Variants in MARCHF1 observed in about 807,000 individuals in gnomAD.
The protein encoded by MARCHF1 is E3 ubiquitin-protein ligase MARCHF1.
Under a neutral mutation model 54.2 loss-of-function variants are expected in MARCHF1, and 40 were observed. That is an observed-to-expected ratio of 0.74 (90% confidence interval 0.57 to 0.96). MARCHF1 has a LOEUF of 0.96. MARCHF1 is among the 40% of genes least tolerant of loss of function. MARCHF1 has a pLI of 0.00. For synonymous variants in MARCHF1, 236 were observed against 236.3 expected (o/e 1.00, Z 0.01); for missense variants, 586 against 656.5 (o/e 0.89, Z 1.17).
intron 2 of MARCHF1, among the ~76,000 whole-genome samples, chr4:164,047,677 C>G (rs557286352): frequency 6.6e-6 from 1 of 152,206 alleles, no homozygotes; most frequent in East Asian, 1.9e-4. Flanking sequence ...GTCTTAAGTT[C>G]TCAAGAAAGA....
intron 9 of MARCHF1, among the ~76,000 whole-genome samples, chr4:163,534,123 T>C (rs867638057): frequency 2.2e-4 from 33 of 151,978 alleles, no homozygotes; most frequent in African/African-American, 8.0e-4. Context: ...GCCGCGCTCT[T>C]TACAATAAAC....
At chr4:164,348,820 A>C (rs998255954) in intron 1 of MARCHF1, among the ~76,000 whole-genome samples, 1 of 152,134 alleles carries the variant, frequency 6.6e-6, no homozygotes, top group African/African-American at 2.4e-5. Context: ...CACACTCAAG[A>C]TTATTTATTG....
At chr4:163,870,656 T>C (rs1750149436) in intron 3 of MARCHF1, among the ~76,000 whole-genome samples, 1 of 151,934 alleles carries the variant, frequency 6.6e-6, no homozygotes, top group South Asian at 2.1e-4. Flanking sequence ...TAGGATGGCT[T>C]AAAAAAGAAT....
chr4:163,857,839 C>G (rs193184152), intron 3 of MARCHF1, among the ~76,000 whole-genome samples: 72 of 151,992 alleles, frequency 4.7e-4, no homozygotes, highest in African/African-American at 1.7e-3. Context: ...GAGAAAAGAC[C>G]CAGAGCTTAC....
chr4:164,251,422 C>T (rs1733120577), intron 1 of MARCHF1, among the ~76,000 whole-genome samples: 1 of 152,122 alleles, frequency 6.6e-6, no homozygotes, highest in South Asian at 2.1e-4. Flanking sequence ...ATAATGTTTG[C>T]CATGGCAGCC....
chr4:163,803,472 T>C (rs147716786), intron 4 of MARCHF1, among the ~76,000 whole-genome samples: 441 of 149,102 alleles, frequency 3.0e-3, no homozygotes, highest in Non-Finnish European at 4.3e-3. Context: ...TGCCCGGCTG[T>C]AAAACATATT....
chr4:163,712,622 T>A (rs1184015591), intron 4 of MARCHF1, among the ~76,000 whole-genome samples: 1 of 152,190 alleles, frequency 6.6e-6, no homozygotes, highest in Admixed American at 6.5e-5. Flanking sequence ...CTTATGTCAG[T>A]AATATGTAAA....
intron 1 of MARCHF1, among the ~76,000 whole-genome samples, chr4:164,310,568 TTC>T (rs1171358811): frequency 1.3e-5 from 2 of 151,898 alleles, no homozygotes; most frequent in Non-Finnish European, 2.9e-5. Context: ...ATTAAAACCA[TTC>T]TGTCTATGAA....
At chr4:163,890,603 G>A (rs1051913142) in intron 3 of MARCHF1, among the ~76,000 whole-genome samples, 9 of 152,140 alleles carry the variant, frequency 5.9e-5, no homozygotes, top group African/African-American at 2.2e-4. Context: ...GCTCAAATGG[G>A]TGAATACAGG....
intron 1 of MARCHF1, among the ~76,000 whole-genome samples, chr4:164,381,357 A>G (rs1000591377): frequency 2.6e-5 from 4 of 152,310 alleles, no homozygotes; most frequent in African/African-American, 9.6e-5. Flanking sequence ...AAGTCAAATT[A>G]TATCTATTTA....
intron 1 of MARCHF1, among the ~76,000 whole-genome samples, chr4:164,214,128 C>T (rs1266554366): frequency 6.6e-6 from 1 of 151,344 alleles, no homozygotes; most frequent in Non-Finnish European, 1.5e-5. Flanking sequence ...ATTCGTGACA[C>T]ATACAACAAT....
intron 4 of MARCHF1, among the ~76,000 whole-genome samples, chr4:163,810,692 A>G: frequency 6.6e-6 from 1 of 152,362 alleles, no homozygotes; most frequent in African/African-American, 2.4e-5. Context: ...ATAACTAAGT[A>G]AAATTTTGAT....
intron 4 of MARCHF1, among the ~76,000 whole-genome samples, chr4:163,745,115 CTTT>C (rs537922396): frequency 4.3e-5 from 6 of 139,358 alleles, no homozygotes; most frequent in African/African-American, 1.1e-4. Flanking sequence ...TTCTTTCTTT[CTTT>C]TTTTTTTTTT....
chr4:164,046,153 G>A (rs1432494705), intron 2 of MARCHF1, among the ~76,000 whole-genome samples: 1 of 152,230 alleles, frequency 6.6e-6, no homozygotes, highest in African/African-American at 2.4e-5. Flanking sequence ...ATTAGGAGAG[G>A]AACTTCAAGC....
chr4:164,196,761 A>AG (rs1731271611), intron 1 of MARCHF1, among the ~76,000 whole-genome samples: 1 of 152,094 alleles, frequency 6.6e-6, no homozygotes, highest in Non-Finnish European at 1.5e-5. Flanking sequence ...ATTTACAAAT[A>AG]TTATTTTATT....
At chr4:163,908,049 T>C (rs189802156) in intron 3 of MARCHF1, among the ~76,000 whole-genome samples, 1 of 152,284 alleles carries the variant, frequency 6.6e-6, no homozygotes, top group Admixed American at 6.5e-5. Flanking sequence ...AGCCAGTGCC[T>C]GAAGTTGGCA....
chr4:163,700,674 C>T, intron 5 of MARCHF1, 139 bp downstream of exon 5: 1 of 641,996 alleles, frequency 1.6e-6, no homozygotes, highest in Non-Finnish European at 2.6e-6. Flanking sequence ...ACAGTAAAAG[C>T]TTAAAAGAGT....
chr4:163,613,439 C>A (rs189099375), intron 5 of MARCHF1, 46 bp from the exon 6 acceptor site: 1 of 1,613,012 alleles, frequency 6.2e-7, no homozygotes, highest in East Asian at 2.2e-5. Context: ...TAAGGTAATA[C>A]ATGGTTGATA....
chr4:163,630,973 ATGTTG>A (rs1334224745), intron 5 of MARCHF1, among the ~76,000 whole-genome samples: 18 of 152,112 alleles, frequency 1.2e-4, no homozygotes, highest in Admixed American at 1.1e-3. Context: ...TTGTCCATAC[ATGTTG>A]TATGTTGTGG....
Sources: gnomAD v4.1 joint callset for allele counts (sites outside exome capture counted in the v4.1 genomes callset) on GRCh38, gnomAD v4.1.1 for gene constraint, MANE v1.5 for transcripts, NCBI Gene and HGNC (gene_info 2026-07-23, HGNC 2026-07-21) for gene names.